Variants in FGD4 observed in about 807,000 individuals in gnomAD.
The protein encoded by FGD4 is FYVE, RhoGEF and PH domain-containing protein 4.
FGD4 carries 42 observed loss-of-function variants against 102.0 expected under a neutral mutation model. The ratio of observed to expected loss-of-function variants is 0.41; its 90% CI spans 0.32 to 0.53. The LOEUF (loss-of-function observed/expected upper bound fraction) is 0.53, where lower values mean the gene tolerates loss of function less well. FGD4 is among the 20% of genes least tolerant of loss of function. FGD4 has a pLI of 0.21. For missense variants in FGD4, 902 were observed against 1,078.2 expected (o/e 0.84, Z 2.29); for synonymous variants, 380 against 375.7 (o/e 1.01, Z -0.13).
intron 2 of FGD4, 61 bp from the exon 3 acceptor site, chr12:32,576,204 GA>G: frequency 6.6e-7 from 1 of 1,517,428 alleles, no homozygotes; most frequent in Non-Finnish European, 8.9e-7. Context: ...CAGGACACCA[GA>G]ATTTTTATTG....
At chr12:32,629,461 G>T (rs1172374329) in intron 14 of FGD4, among the ~76,000 whole-genome samples, 1 of 152,176 alleles carries the variant, frequency 6.6e-6, no homozygotes, top group Non-Finnish European at 1.5e-5. Flanking sequence ...TACCCTGTGA[G>T]GAAGGTTCTA....
chr12:32,406,478 G>A (rs983390962), intron 1 of FGD4, among the ~76,000 whole-genome samples: 14 of 151,538 alleles, frequency 9.2e-5, no homozygotes, highest in East Asian at 6.1e-4. Flanking sequence ...CGCTTGAACC[G>A]AGGGAGCAGA....
chr12:32,602,889 C>G (rs1057244773), intron 7 of FGD4, among the ~76,000 whole-genome samples: 2 of 152,130 alleles, frequency 1.3e-5, no homozygotes, highest in Non-Finnish European at 2.9e-5. Context: ...TGTTCCTTGA[C>G]TGTCTTCTTT....
chr12:32,458,705 GAT>G (rs960303121), intron 1 of FGD4, among the ~76,000 whole-genome samples: 1 of 152,206 alleles, frequency 6.6e-6, no homozygotes, highest in Non-Finnish European at 1.5e-5. Flanking sequence ...GGCCCAGAGA[GAT>G]TGACTTTCTT....
chr12:32,417,999 C>T (rs1263217667), intron 1 of FGD4, among the ~76,000 whole-genome samples: 2 of 145,090 alleles, frequency 1.4e-5, no homozygotes, highest in Non-Finnish European at 3.0e-5. Flanking sequence ...CTCTGTCGCC[C>T]AGGCTGGAGT....
At chr12:32,625,423 C>A (rs1416380134) in intron 13 of FGD4, among the ~76,000 whole-genome samples, 1 of 151,858 alleles carries the variant, frequency 6.6e-6, no homozygotes, top group Non-Finnish European at 1.5e-5. Flanking sequence ...GTGCATGCCA[C>A]CATGCCCAGC....
intron 1 of FGD4, chr12:32,486,150 A>G (rs1199384022): frequency 1.3e-6 from 2 of 1,526,914 alleles, no homozygotes; most frequent in African/African-American, 2.8e-5. Context: ...GGCTGTGAGT[A>G]TTGTTTTGCA....
At chr12:32,456,151 C>T (rs1942944081) in intron 1 of FGD4, among the ~76,000 whole-genome samples, 2 of 152,132 alleles carry the variant, frequency 1.3e-5, no homozygotes, top group African/African-American at 4.8e-5. Flanking sequence ...TCAATAAAAT[C>T]TTGGCAAATA....
chr12:32,636,011 C>CTAATAATAATAATAA (rs147444731), intron 15 of FGD4, among the ~76,000 whole-genome samples: 2 of 146,790 alleles, frequency 1.4e-5, no homozygotes, highest in African/African-American at 2.5e-5. Flanking sequence ...GACTCTGTCT[C>CTAATAATAATAATAA]TAATAATAAT....
chr12:32,625,183 G>T, intron 13 of FGD4, 115 bp downstream of exon 13: 2 of 827,726 alleles, frequency 2.4e-6, no homozygotes, highest in East Asian at 2.7e-5. Flanking sequence ...GAACTGGCTG[G>T]TTAGACAGAA....
chr12:32,585,222 T>TTATTTA (rs960851781), intron 4 of FGD4, among the ~76,000 whole-genome samples: 12 of 116,138 alleles, frequency 1.0e-4, no homozygotes, highest in African/African-American at 3.4e-4. Flanking sequence ...CTCAAAAATT[T>TTATTTA]TATATATATA....
chr12:32,429,210 T>A lies in FGD4; in HGVS notation c.166+29251T>A, dbSNP rs150783636. The stretch of plus-strand genomic sequence containing the variant: ...TGGTGACCTTCGGATGGGGTTTCTA[T>A]GTGAACATCTTTTTTGTTGATGTTG... On this transcript the variant is annotated intron_variant, in intron 1 of 16. Transcript: ENST00000534526. Among the ~76,000 whole-genome samples the A allele has an allele frequency of 4.6e-3, 704 of 152,354 alleles. 11 individuals are homozygous for A. Among genetic ancestry groups the A allele is most frequent in the African/African-American group, 0.016 (660 of 41,590 alleles).
chr12:32,507,417 A>G (rs1263675734), intron 1 of FGD4, among the ~76,000 whole-genome samples: 5 of 152,178 alleles, frequency 3.3e-5, no homozygotes. Flanking sequence ...GACACAAATG[A>G]TAAGGAGCCA....
chr12:32,596,230 G>A (rs1947882574), intron 4 of FGD4, among the ~76,000 whole-genome samples: 1 of 152,174 alleles, frequency 6.6e-6, no homozygotes, highest in African/African-American at 2.4e-5. Context: ...CCAAGCCCAA[G>A]GGCTTTGAAT....
At chr12:32,558,511 T>G (rs1319442600) in intron 1 of FGD4, among the ~76,000 whole-genome samples, 1 of 152,190 alleles carries the variant, frequency 6.6e-6, no homozygotes, top group African/African-American at 2.4e-5. Flanking sequence ...ATCAGAGAAC[T>G]GAGTGGATTT....
intron 1 of FGD4, among the ~76,000 whole-genome samples, chr12:32,552,464 T>G (rs1943756338): frequency 7.1e-6 from 1 of 140,454 alleles, no homozygotes; most frequent in East Asian, 2.1e-4. Flanking sequence ...TTTTTTGTAG[T>G]AGAGACAATG....
chr12:32,551,668 T>C (rs927322745), intron 1 of FGD4, among the ~76,000 whole-genome samples: 3 of 152,214 alleles, frequency 2.0e-5, no homozygotes, highest in African/African-American at 4.8e-5. Flanking sequence ...CCGAATGTCA[T>C]GCTTTTAGGG....
At chr12:32,430,763 A>G (rs1247392978) in intron 1 of FGD4, among the ~76,000 whole-genome samples, 2 of 152,212 alleles carry the variant, frequency 1.3e-5, no homozygotes, top group African/African-American at 4.8e-5. Context: ...ATTGAGTGAG[A>G]GTATTCACAC....
At position 32,438,887 on chromosome 12, in the gene FGD4, C is replaced by A. The variant is rs938269383; in HGVS notation, c.166+38928C>A. 2.6e-5 allele frequency among the ~76,000 whole-genome samples: 4 copies of A among 152,222 alleles called. No homozygotes were observed. In the East Asian group the frequency reaches 7.7e-4, roughly 29 times the overall value. On this transcript the variant is annotated intron_variant, in intron 1 of 16. Coordinates refer to ENST00000534526, the MANE Select transcript of FGD4 (RefSeq NM_001370298.3). ...CCTCCCAAAGTGCTGGGATTACAGGCGTGAGCCACTGCGCCCGGCCCTACA... is the reference window on the plus strand; with the variant it reads ...CCTCCCAAAGTGCTGGGATTACAGGAGTGAGCCACTGCGCCCGGCCCTACA...
Sources: allele counts gnomAD v4.1 joint callset (sites outside exome capture counted in the v4.1 genomes callset), GRCh38; gene constraint gnomAD v4.1.1; transcripts MANE v1.5; gene names NCBI Gene and HGNC (gene_info 2026-07-23, HGNC 2026-07-21).